ERAP2: variants seen among roughly 807,000 people sequenced by gnomAD.
ERAP2 encodes the protein leukocyte-derived arginine aminopeptidase.
ERAP2 carries 118 observed loss-of-function variants against 111.1 expected under a neutral mutation model. That is an observed-to-expected ratio of 1.06 (90% CI 0.92 to 1.24). The LOEUF (loss-of-function observed/expected upper bound fraction) is 1.24, where lower values mean the gene tolerates loss of function less well. ERAP2 is among the 50% of genes most tolerant of loss of function. The pLI is 0.00. For missense variants in ERAP2, 1,131 were observed against 1,125.8 expected (o/e 1.00, Z -0.07); for synonymous variants, 410 against 401.2 (o/e 1.02, Z -0.26).
At chr5:96,913,845 TG>T (rs1299150254) in intron 17 of ERAP2, among the ~76,000 whole-genome samples, 1 of 152,168 alleles carries the variant, frequency 6.6e-6, no homozygotes, top group Non-Finnish European at 1.5e-5. Context: ...AGTTTTGTAC[TG>T]GGGGAAAATC....
At chr5:96,900,577 A>G (rs1440282001) in intron 10 of ERAP2, among the ~76,000 whole-genome samples, 1 of 152,212 alleles carries the variant, frequency 6.6e-6, no homozygotes, top group Non-Finnish European at 1.5e-5. Flanking sequence ...TTATAGAATC[A>G]CTACAGGAAA....
chr5:96,884,188 A>T (rs749841350), intron 3 of ERAP2, among the ~76,000 whole-genome samples: 24 of 152,214 alleles, frequency 1.6e-4, no homozygotes, highest in Non-Finnish European at 7.4e-5. Flanking sequence ...TTGTGTTCAT[A>T]TGGAAACAGT....
intron 10 of ERAP2, 178 bp downstream of exon 10, chr5:96,900,367 T>A (rs967696653): frequency 1.5e-5 from 14 of 939,750 alleles, no homozygotes; most frequent in Non-Finnish European, 2.1e-5. Flanking sequence ...AGGGGGACAA[T>A]GCTGTTGCTA....
chr5:96,886,700 G>T lies in ERAP2; in HGVS notation c.760G>T (p.Glu254Ter). 1 of 1,552,934 alleles carries T rather than the reference G, an allele frequency of 6.4e-7. No individual in the cohort carries two copies. The highest frequency in any genetic ancestry group is 1.2e-5 in the South Asian group (1 of 83,160). ...AGGAGGTCTTTTGGAAGATCACTTT[G>T]AAACTACTGTAAAAATGAGTACATA... ...LEGGLLEDHF[E>*]TTVKMSTYLV... The change falls in exon 4 of 19, where the codon GAA becomes TAA. Residue 254 changes from glutamate to a stop codon, truncating the protein, a stop_gained. Coordinates refer to ENST00000437043, the MANE Select transcript of ERAP2 (RefSeq NM_022350.5). LOFTEE classifies it high-confidence loss of function.
In ERAP2 at chr5:96,892,021, A is replaced by G. The variant is rs142298067; in HGVS notation, c.971-278A>G. Among the ~76,000 whole-genome samples, 762 of 152,276 alleles carry G rather than the reference A, an allele frequency of 5.0e-3. 4 individuals carry two copies. The highest frequency in any genetic ancestry group is 0.017 in the African/African-American group (688 of 41,550). ...TTTTCTTGGCAGTAAGGCACCCAAA[A>G]TATTTTCAGAGTTCAGCACTTTCAG... On this transcript the variant is annotated intron_variant, in intron 5 of 18. Transcript: ENST00000437043.
chr5:96,912,196 AAAAAAAAAG>A (rs1212230297), intron 15 of ERAP2, among the ~76,000 whole-genome samples: 2 of 150,034 alleles, frequency 1.3e-5, no homozygotes, highest in Non-Finnish European at 3.0e-5. Flanking sequence ...CTCAAAAAAA[AAAAAAAAAG>A]AAAAGAAAAG....
chr5:96,895,935 A>T (rs1171349562), intron 7 of ERAP2, among the ~76,000 whole-genome samples: 1 of 152,184 alleles, frequency 6.6e-6, no homozygotes, highest in Admixed American at 6.6e-5. Flanking sequence ...ATTCAAAGTT[A>T]GGCTCTTCTT....
chr5:96,889,422 G>T, intron 5 of ERAP2, 117 bp downstream of exon 5: 2 of 1,179,866 alleles, frequency 1.7e-6, no homozygotes, highest in Non-Finnish European at 2.5e-6. Context: ...AGTTAGCTCA[G>T]GAAAAAATAA....
chr5:96,902,006 G>T (rs902727641), intron 11 of ERAP2, among the ~76,000 whole-genome samples: 3 of 152,172 alleles, frequency 2.0e-5, no homozygotes, highest in Non-Finnish European at 4.4e-5. Context: ...AATTGTTATG[G>T]TATGAGATTA....
At chr5:96,901,734 A>C in intron 11 of ERAP2, 53 bp downstream of exon 11, 1 of 1,563,866 alleles carries the variant, frequency 6.4e-7, no homozygotes, top group Admixed American at 1.9e-5. Flanking sequence ...TTTCCTCGTT[A>C]TTTCCTTAGC....
intron 12 of ERAP2, among the ~76,000 whole-genome samples, chr5:96,903,114 A>G (rs916874978): frequency 6.6e-6 from 1 of 152,184 alleles, no homozygotes; most frequent in Admixed American, 6.5e-5. Flanking sequence ...CCTTCCTTGC[A>G]TGTCTCTTAG....
At chr5:96,916,936 G>T (rs1787481624) in intron 18 of ERAP2, among the ~76,000 whole-genome samples, 1 of 152,018 alleles carries the variant, frequency 6.6e-6, no homozygotes, top group Non-Finnish European at 1.5e-5. Flanking sequence ...GTGGTCACTT[G>T]TAAGATGAGG....
chr5:96,892,691 C>A (rs562913699), intron 6 of ERAP2, among the ~76,000 whole-genome samples: 3 of 152,150 alleles, frequency 2.0e-5, no homozygotes, highest in Non-Finnish European at 2.9e-5. Flanking sequence ...CCTTTCAAAG[C>A]AAAGCCTTCA....
chr5:96,909,973 A>T (rs1377291511), intron 15 of ERAP2: 1 of 480,780 alleles, frequency 2.1e-6, no homozygotes, highest in Non-Finnish European at 3.7e-6. Flanking sequence ...GGTGTCCATT[A>T]TTCCGGTGCT....
At chr5:96,891,825 C>G (rs1784424697) in intron 5 of ERAP2, among the ~76,000 whole-genome samples, 1 of 151,892 alleles carries the variant, frequency 6.6e-6, no homozygotes, top group African/African-American at 2.4e-5. Context: ...AGAGATGGCT[C>G]CTAAGAGGTG....
At chr5:96,900,538 T>C (rs1306084588) in intron 10 of ERAP2, among the ~76,000 whole-genome samples, 2 of 152,138 alleles carry the variant, frequency 1.3e-5, no homozygotes, top group Non-Finnish European at 2.9e-5. Context: ...ATACAGTATA[T>C]GTTTTTCTTT....
At chr5:96,881,538 G>T (rs1331707351) in intron 2 of ERAP2, 1 of 452,806 alleles carries the variant, frequency 2.2e-6, no homozygotes, top group Non-Finnish European at 4.4e-6. Flanking sequence ...TCAATTGCCA[G>T]TTGGAGAAAT....
chr5:96,889,143 G>C, intron 4 of ERAP2, 42 bp from the exon 5 acceptor site: 1 of 1,609,776 alleles, frequency 6.2e-7, no homozygotes, highest in Non-Finnish European at 8.5e-7. Flanking sequence ...ATTATGCCAG[G>C]GAGCTGTCAT....
intron 2 of ERAP2, among the ~76,000 whole-genome samples, chr5:96,883,398 C>G (rs967526466): frequency 6.6e-6 from 1 of 152,200 alleles, no homozygotes; most frequent in South Asian, 2.1e-4. Flanking sequence ...CTATCTGAGG[C>G]CCTTTCAGGT....
Sources: gnomAD v4.1 joint callset for allele counts (sites outside exome capture counted in the v4.1 genomes callset) on GRCh38, gnomAD v4.1.1 for gene constraint, MANE v1.5 for transcripts, NCBI Gene and HGNC (gene_info 2026-07-23, HGNC 2026-07-21) for gene names.